Variants in RGL1 observed in about 807,000 individuals in gnomAD.
RGL1 encodes the protein ral guanine nucleotide dissociation stimulator like 1.
Under a neutral mutation model 95.2 loss-of-function variants are expected in RGL1, and 24 were observed. The observed-to-expected ratio is 0.25, with a 90% confidence interval of 0.18 to 0.35. RGL1 has a LOEUF of 0.35. Ranked by LOEUF, RGL1 falls within the 10% of genes least tolerant of loss-of-function variation. The pLI, the probability that RGL1 is intolerant of heterozygous loss-of-function variation, is 1.00. For missense variants in RGL1, 715 were observed against 936.3 expected (o/e 0.76, Z 3.08); for synonymous variants, 329 against 344.9 (o/e 0.95, Z 0.51).
chr1:183,655,262 A>G (rs1260097074), intron 1 of RGL1, among the ~76,000 whole-genome samples: 1 of 152,264 alleles, frequency 6.6e-6, no homozygotes, highest in Admixed American at 6.5e-5. Context: ...AGTTTGGGGT[A>G]TATCCAAGAT....
intron 1 of RGL1, among the ~76,000 whole-genome samples, chr1:183,701,208 G>A (rs532172721): frequency 6.6e-6 from 1 of 152,190 alleles, no homozygotes; most frequent in Admixed American, 6.5e-5. Context: ...TAGATCCTAG[G>A]TTTTGGTTTT....
intron 2 of RGL1, among the ~76,000 whole-genome samples, chr1:183,810,428 T>A (rs1323318203): frequency 6.6e-6 from 1 of 152,220 alleles, no homozygotes; most frequent in Admixed American, 6.5e-5. Context: ...ACTGAGGCCT[T>A]TCTGCCCTGT....
intron 15 of RGL1, among the ~76,000 whole-genome samples, chr1:183,913,888 C>A (rs1668808718): frequency 6.6e-6 from 1 of 152,118 alleles, no homozygotes; most frequent in Non-Finnish European, 1.5e-5. Flanking sequence ...CTTTGAAATC[C>A]AGGGGATACA....
At chr1:183,650,117 G>A (rs74995936) in intron 1 of RGL1, among the ~76,000 whole-genome samples, 1,976 of 152,006 alleles carry the variant, frequency 0.013, 51 homozygotes, top group African/African-American at 0.046. Flanking sequence ...CCAGCCTTCC[G>A]TCACTATTAA....
At chr1:183,745,173 A>T (rs1345764941) in intron 2 of RGL1, among the ~76,000 whole-genome samples, 1 of 152,086 alleles carries the variant, frequency 6.6e-6, no homozygotes, top group Non-Finnish European at 1.5e-5. Flanking sequence ...GTTTTCTGTG[A>T]ATTATCTGTT....
At chr1:183,707,154 T>A (rs890062100) in intron 1 of RGL1, among the ~76,000 whole-genome samples, 1 of 152,124 alleles carries the variant, frequency 6.6e-6, no homozygotes, top group African/African-American at 2.4e-5. Context: ...GGGGGCCTGG[T>A]TGGGGACTGC....
chr1:183,641,393 TCA>T (rs1340771273), intron 1 of RGL1, among the ~76,000 whole-genome samples: 1 of 152,090 alleles, frequency 6.6e-6, no homozygotes, highest in East Asian at 1.9e-4. Flanking sequence ...CCTCGGCCTC[TCA>T]CAGTGCTAGG....
chr1:183,651,773 T>C (rs1399108112), intron 1 of RGL1, among the ~76,000 whole-genome samples: 3 of 152,210 alleles, frequency 2.0e-5, no homozygotes, highest in Non-Finnish European at 4.4e-5. Context: ...TGTCATAGCT[T>C]TCCTTCTAGA....
In RGL1 at chr1:183,915,378, A is replaced by C. The variant is rs530240206; in HGVS notation, c.1750-1069A>C. On this transcript the variant is annotated intron_variant, in intron 15 of 17. Coordinates refer to ENST00000360851, the MANE Select transcript of RGL1 (RefSeq NM_001297671.3). Reference sequence around the variant, plus strand: ...TAATAATGGGTATTTTAAATGGTTCAATTTAATGATTTTTAAAAGTACCTC... The same window carrying C: ...TAATAATGGGTATTTTAAATGGTTCCATTTAATGATTTTTAAAAGTACCTC... Among the ~76,000 whole-genome samples the C allele has an allele frequency of 3.3e-5, 5 of 152,362 alleles. No homozygotes were observed. In the South Asian group the frequency reaches 1.0e-3, roughly 32 times the overall value.
chr1:183,757,013 G>GT (rs1558190522), intron 2 of RGL1, among the ~76,000 whole-genome samples: 1 of 89,666 alleles, frequency 1.1e-5, no homozygotes, highest in Non-Finnish European at 2.1e-5. Context: ...TAGTTGGGTG[G>GT]TTTGTTTGTT....
intron 1 of RGL1, among the ~76,000 whole-genome samples, chr1:183,669,186 C>T (rs1418063902): frequency 6.6e-6 from 1 of 152,056 alleles, no homozygotes; most frequent in African/African-American, 2.4e-5. Context: ...TCGTGATCCA[C>T]CTGCCTTGGC....
intron 2 of RGL1, among the ~76,000 whole-genome samples, chr1:183,746,324 A>G (rs1268113303): frequency 1.3e-5 from 2 of 152,130 alleles, no homozygotes; most frequent in African/African-American, 4.8e-5. Context: ...TTATACACAC[A>G]CACACATGCA....
upstream of RGL1, among the ~76,000 whole-genome samples, chr1:183,802,208 G>A (rs1572429301): frequency 2.0e-5 from 3 of 152,076 alleles, no homozygotes; most frequent in East Asian, 5.8e-4. Context: ...TTTCCTTGTT[G>A]TATATTCTTG....
At chr1:183,817,804 G>C (rs889332538) in intron 2 of RGL1, among the ~76,000 whole-genome samples, 7 of 152,166 alleles carry the variant, frequency 4.6e-5, no homozygotes, top group African/African-American at 1.7e-4. Context: ...CTGACTCAAG[G>C]CATGCGTGTA....
intron 3 of RGL1, among the ~76,000 whole-genome samples, chr1:183,855,067 G>A (rs955785138): frequency 6.6e-5 from 10 of 152,074 alleles, no homozygotes; most frequent in Non-Finnish European, 1.3e-4. Flanking sequence ...CCTCAAAATG[G>A]TGCCTGCAGT....
In RGL1 at chr1:183,814,397, G is replaced by A. The variant is rs989335055; in HGVS notation, c.138+7912G>A. Among the ~76,000 whole-genome samples the A allele has an allele frequency of 2.0e-5, 3 of 152,160 alleles. No individual in the cohort carries two copies. The South Asian group carries it at 6.2e-4, about 32-fold the overall frequency. On this transcript the variant is annotated intron_variant, in intron 2 of 17. Coordinates refer to ENST00000360851, the MANE Select transcript of RGL1 (RefSeq NM_001297671.3). Reference sequence around the variant, plus strand: ...CTGAGGATAACAGTGGTGGTGGTTGGGGGTGGGGTGTTGCTGGTGGTTCTA... The same window carrying A: ...CTGAGGATAACAGTGGTGGTGGTTGAGGGTGGGGTGTTGCTGGTGGTTCTA...
chr1:183,807,499 G>A (rs1317308723), intron 2 of RGL1, among the ~76,000 whole-genome samples: 1 of 152,188 alleles, frequency 6.6e-6, no homozygotes, highest in Non-Finnish European at 1.5e-5. Context: ...AAGGAGGATA[G>A]GACACAAAAT....
chr1:183,654,496 G>C (rs1650997055), intron 1 of RGL1, among the ~76,000 whole-genome samples: 1 of 152,336 alleles, frequency 6.6e-6, no homozygotes, highest in Middle Eastern at 3.4e-3. Flanking sequence ...TGGGTGAAAG[G>C]ATAATAGCTG....
At chr1:183,785,984 A>G (rs1260580543) in intron 2 of RGL1, among the ~76,000 whole-genome samples, 1 of 151,932 alleles carries the variant, frequency 6.6e-6, no homozygotes, top group Non-Finnish European at 1.5e-5. Flanking sequence ...AGGTTAAGGC[A>G]GGAGGATCGC....
Sources: allele counts gnomAD v4.1 joint callset (sites outside exome capture counted in the v4.1 genomes callset), GRCh38; gene constraint gnomAD v4.1.1; transcripts MANE v1.5; gene names NCBI Gene and HGNC (gene_info 2026-07-23, HGNC 2026-07-21).